VWA7: variants seen among roughly 807,000 people sequenced by gnomAD.
VWA7 encodes von Willebrand factor A domain-containing protein 7.
Under a neutral mutation model 83.1 loss-of-function variants are expected in VWA7, and 66 were observed. The ratio of observed to expected loss-of-function variants is 0.79; its 90% CI spans 0.65 to 0.98. The LOEUF is 0.98. Among genes scored for constraint, VWA7 ranks in the 50% least tolerant of loss-of-function variants. The pLI, the probability that VWA7 is intolerant of heterozygous loss-of-function variation, is 0.00. For synonymous variants in VWA7, 424 were observed against 488.5 expected (o/e 0.87, Z 1.74); for missense variants, 1,080 against 1,160.2 (o/e 0.93, Z 1.00).
At position 31,776,679 on chromosome 6, in the gene VWA7, C is replaced by T; in HGVS notation, c.101G>A (p.Trp34Ter). The part of the protein sequence containing the change: ...PPTSAFFPNI[W>*]SLLAAPGSIT... ...GGAGCCAGGGGCAGCCAGCAGGCTC[C>T]AGATGTTGGGGAAGAAGGCAGATGT... is the stretch of plus-strand genomic sequence containing the variant. Residue 34 changes from tryptophan (W) to a stop codon, truncating the protein, a stop_gained, in exon 2 of 17, where the codon TGG becomes TAG. Coordinates refer to ENST00000375688, the MANE Select transcript of VWA7 (RefSeq NM_025258.3). LOFTEE classifies it high-confidence loss of function. The surrounding 1 kb of genome is among the most constrained non-coding windows in gnomAD (Gnocchi z 6.2). The T allele has an allele frequency of 3.3e-6, 5 of 1,531,392 alleles. No homozygotes were observed. The highest frequency in any genetic ancestry group is 3.5e-6 in the Non-Finnish European group (4 of 1,136,774). 94.9% of individuals were successfully genotyped at this position (1,531,392 alleles called of 1,614,324 possible).
At position 31,765,771 on chromosome 6, in the gene VWA7, C is replaced by T. The variant is rs1324706461; in HGVS notation, c.2500-1G>A. ...AGCCGGTAGGGGTGGTGTGCCGGTC[C>T]TGTGGGGAAAAGGAAGAGAATGACA... On this transcript the variant is annotated splice_acceptor_variant, in intron 16 of 16. Transcript: ENST00000375688. LOFTEE classifies it high-confidence loss of function. 6.3e-7 allele frequency: 1 copy of T among 1,585,224 alleles called. No homozygotes were observed. Among genetic ancestry groups the T allele is most frequent in the Admixed American group, 1.7e-5 (1 of 57,330 alleles).
At position 31,767,412 on chromosome 6, in the gene VWA7, G is replaced by C; in HGVS notation, c.1739C>G (p.Thr580Ser). The stretch of plus-strand genomic sequence containing the variant: ...CTCAGCTGTGACCTGGATCTCCCAG[G>C]TTCCTGTCTGTGGAGGGTCATCCAT... Reference protein sequence around the residue: ...VTMDDPPQTGTWEIQVTAEDT... With the variant: ...VTMDDPPQTGSWEIQVTAEDT... Residue 580 changes from threonine (T) to serine (S), a missense_variant, in exon 12 of 17, where the codon ACC becomes AGC. Transcript: ENST00000375688. 1.2e-6 allele frequency: 2 copies of C among 1,613,064 alleles called. No homozygotes were observed. The highest frequency in any genetic ancestry group is 1.7e-6 in the Non-Finnish European group (2 of 1,179,918).
chr6:31,774,429 A>T, intron 5 of VWA7, 87 bp downstream of exon 5: 1 of 1,274,832 alleles, frequency 7.8e-7, no homozygotes, highest in Admixed American at 2.0e-5. Context: ...GAGATGCCAT[A>T]GCAAAGGCAT....
At position 31,765,957 on chromosome 6, in the gene VWA7, C is replaced by T. The variant is rs138615605; in HGVS notation, c.2425G>A (p.Gly809Arg). The T allele has an allele frequency of 7.4e-6, 12 of 1,612,994 alleles. No homozygotes were observed. The highest frequency in any genetic ancestry group is 2.7e-5 in the African/African-American group (2 of 74,948). The change falls in exon 16 of 17, where the codon GGG (glycine) becomes AGG (arginine). Residue 809 changes from glycine (G) to arginine (R), a missense_variant. By Grantham distance (125) the Gly-to-Arg change is moderately radical. Coordinates refer to ENST00000375688, the MANE Select transcript of VWA7 (RefSeq NM_025258.3). ...DSVVMVTVTA[G>R]GREANPVPPT... is the part of the protein sequence containing the mutation. ...GGTACTGGGTTGGCTTCTCGTCCCC[C>T]TGCAGTCACAGTCACCATCACCACG...
rs939847235 is a variant in VWA7 at position 31,775,771 on chromosome 6, T to C, written c.513+193A>G. Among the ~76,000 whole-genome samples, 2 of 152,198 alleles carry C rather than the reference T, an allele frequency of 1.3e-5. No homozygotes were observed. Among genetic ancestry groups the C allele is most frequent in the African/African-American group, 4.8e-5 (2 of 41,452 alleles). On this transcript the variant is annotated intron_variant, in intron 3 of 16. Coordinates refer to ENST00000375688, the MANE Select transcript of VWA7 (RefSeq NM_025258.3). This position sits in a 1 kb window ranked among gnomAD's most constrained non-coding sequence, Gnocchi z 5.9. ...CTTCTCTCCAGCCACAGCGCCCTCC[T>C]TGCTGTTCCTACAGGAAGCACTGCC...
chr6:31,766,311 C>T lies in VWA7; in HGVS notation c.2258G>A (p.Gly753Asp), dbSNP rs570620342. The part of the protein sequence containing the change: ...PLSLRIASFS[G>D]PQDLDLRTFV... ...AGTCCTAAGGTCAAGATCCTGAGGG[C>T]CCGAGAAGCTGGCGATGCGGAGACT... Residue 753 changes from glycine (G) to aspartate (D), a missense_variant, in exon 15 of 17, where the codon GGC (glycine) becomes GAC (aspartate). By Grantham distance (94) the Gly-to-Asp change is moderately conservative (BLOSUM62 -1). Transcript: ENST00000375688. This position sits in a 1 kb window ranked among gnomAD's most constrained non-coding sequence, Gnocchi z 4.9. 1 of 1,611,994 alleles carries T rather than the reference C, an allele frequency of 6.2e-7. No individual in the cohort carries two copies. The highest frequency in any genetic ancestry group is 8.5e-7 in the Non-Finnish European group (1 of 1,179,762).
At chr6:31,774,862 T>C (rs1418629601) in intron 4 of VWA7, among the ~76,000 whole-genome samples, 1 of 152,118 alleles carries the variant, frequency 6.6e-6, no homozygotes, top group Non-Finnish European at 1.5e-5. Flanking sequence ...GGCTCACGAC[T>C]GTAATCCCAG....
Position 31,767,422 on chromosome 6 carries a change from G to T in VWA7, c.1729C>A (p.Gln577Lys), listed in dbSNP as rs573900220. ...FWMVTMDDPP[Q>K]TGTWEIQVTA... ...ACCTGGATCTCCCAGGTTCCTGTCTGTGGAGGGTCATCCATGGTCACCATC... is the reference window on the plus strand; with the variant it reads ...ACCTGGATCTCCCAGGTTCCTGTCTTTGGAGGGTCATCCATGGTCACCATC... The change falls in exon 12 of 17, where the codon CAG (glutamine) becomes AAG (lysine). Residue 577 changes from glutamine (Q) to lysine (K), a missense_variant. By Grantham distance (53) the Gln-to-Lys change is moderately conservative (BLOSUM62 1). Coordinates refer to ENST00000375688, the MANE Select transcript of VWA7 (RefSeq NM_025258.3). The T allele has an allele frequency of 1.2e-6, 2 of 1,612,980 alleles. No individual in the cohort carries two copies. Among genetic ancestry groups the T allele is most frequent in the African/African-American group, 2.7e-5 (2 of 74,892 alleles).
At position 31,775,982 on chromosome 6, in the gene VWA7, A is replaced by G; in HGVS notation, c.495T>C (p.Ala165=). The change falls in exon 3 of 17, where the codon GCT becomes GCC. Residue 165 remains alanine (A), a synonymous_variant. Coordinates refer to ENST00000375688, the MANE Select transcript of VWA7 (RefSeq NM_025258.3). This position sits in a 1 kb window ranked among gnomAD's most constrained non-coding sequence, Gnocchi z 5.9. Reference sequence around the variant, plus strand: ...TTCTCACCTGCAGGGCATGAAGTGCAGCCCCGAGGCGCTGGCGAGCCAGGG... The same window carrying G: ...TTCTCACCTGCAGGGCATGAAGTGCGGCCCCGAGGCGCTGGCGAGCCAGGG... The part of the protein sequence containing the change: ...DHTLARQRLG[A]ALHALQDFYS... 1 of 1,611,216 alleles carries G rather than the reference A, an allele frequency of 6.2e-7. No homozygotes were observed. The highest frequency in any genetic ancestry group is 8.5e-7 in the Non-Finnish European group (1 of 1,179,200).
rs760288913 is a variant in VWA7 at position 31,766,377 on chromosome 6, C to T, written c.2192G>A (p.Gly731Asp). The change falls in exon 15 of 17, where the codon GGC (glycine) becomes GAC (aspartate). Residue 731 changes from glycine to aspartate, a missense_variant. Gly to Asp is a moderately conservative substitution (Grantham distance 94, BLOSUM62 -1). Coordinates refer to ENST00000375688, the MANE Select transcript of VWA7 (RefSeq NM_025258.3). This position sits in a 1 kb window ranked among gnomAD's most constrained non-coding sequence, Gnocchi z 4.9. ...TVVPVLLELSGPSGFLAPGSK... is the reference protein window; with the variant it reads ...TVVPVLLELSDPSGFLAPGSK... ...GCCCGGGGCCAAGAAACCCGAGGGG[C>T]CACTAAGCTGCAGAGAAGGGTTCTT... The T allele has an allele frequency of 1.3e-6, 2 of 1,598,750 alleles. No homozygotes were observed. The highest frequency in any genetic ancestry group is 1.7e-4 in the Middle Eastern group (1 of 6,034).
chr6:31,765,901 T>C lies in VWA7; in HGVS notation c.2481A>G (p.Val827=), dbSNP rs775824767. The C allele has an allele frequency of 8.1e-6, 13 of 1,612,998 alleles. 1 individual carries two copies. In the South Asian group the frequency reaches 1.4e-4, roughly 18 times the overall value. The part of the protein sequence containing the change: ...PPTHAFLRLL[V]SAPAPQDRHT... The stretch of plus-strand genomic sequence containing the variant: ...TCCTCACCTGCGGGGCTGGGGCCGA[T>C]ACCAGGAGCCGGAGGAAAGCATGAG... The change falls in exon 16 of 17, where the codon GTA becomes GTG. Residue 827 remains valine (V), a synonymous_variant. Transcript: ENST00000375688.
Position 31,776,170 on chromosome 6 carries a change from C to A in VWA7, c.307G>T (p.Ala103Ser). 1 of 1,614,062 alleles carries A rather than the reference C, an allele frequency of 6.2e-7. No homozygotes were observed. The change falls in exon 3 of 17, where the codon GCC (alanine) becomes TCC (serine). Residue 103 changes from alanine (A) to serine (S), a missense_variant. Ala to Ser is a moderately conservative substitution (Grantham distance 99). Coordinates refer to ENST00000375688, the MANE Select transcript of VWA7 (RefSeq NM_025258.3). The surrounding 1 kb of genome is among the most constrained non-coding windows in gnomAD (Gnocchi z 6.2). ...TTGGCACGAGACACCTCACCTAAGG[C>A]TGCTCGGAACCGCCGAGAAGAACCA... ...GPGSSRRFRA[A>S]LGEVSRANAA...
chr6:31,772,660 C>T (rs1414206429), intron 7 of VWA7, among the ~76,000 whole-genome samples: 1 of 127,366 alleles, frequency 7.9e-6, no homozygotes, highest in Admixed American at 9.9e-5. Flanking sequence ...TGCAAAGGCA[C>T]GATCTCGGGG....
chr6:31,771,981 A>C (rs1812219209), intron 7 of VWA7, among the ~76,000 whole-genome samples: 1 of 121,660 alleles, frequency 8.2e-6, no homozygotes, highest in South Asian at 2.7e-4. Flanking sequence ...ACAGAGCGAG[A>C]CTCCGTCTCA....
rs770955289 is a variant in VWA7 at position 31,765,967 on chromosome 6, A to G, written c.2415T>C (p.Thr805=). 6.2e-7 allele frequency: 1 copy of G among 1,612,970 alleles called. No homozygotes were observed. The highest frequency in any genetic ancestry group is 8.5e-7 in the Non-Finnish European group (1 of 1,180,034). The part of the protein sequence containing the change: ...SAAPDSVVMV[T]VTAGGREANP... ...TGGCTTCTCGTCCCCCTGCAGTCAC[A>G]GTCACCATCACCACGGAATCCGGGG... is the stretch of plus-strand genomic sequence containing the variant. The change falls in exon 16 of 17, where the codon ACT becomes ACC. Residue 805 remains threonine (T), a synonymous_variant. Transcript: ENST00000375688.
In VWA7 at chr6:31,769,047, C is replaced by T. The variant is rs777159314; in HGVS notation, c.1474G>A (p.Ala492Thr). 6.2e-7 allele frequency: 1 copy of T among 1,612,596 alleles called. No individual in the cohort carries two copies. Among genetic ancestry groups the T allele is most frequent in the South Asian group, 1.1e-5 (1 of 91,012 alleles). ...TKDQHIRDVA[A>T]IVGESMAALV... ...GCAGCCATGCTCTCCCCAACAATGG[C>T]TGCCACGTCTCGAATGTGCTGGTCT... Residue 492 changes from alanine to threonine, a missense_variant, in exon 10 of 17, where the codon GCC becomes ACC. Coordinates refer to ENST00000375688, the MANE Select transcript of VWA7 (RefSeq NM_025258.3). The surrounding 1 kb of genome is among the most constrained non-coding windows in gnomAD (Gnocchi z 4.5).
chr6:31,773,102 G>T lies in VWA7; in HGVS notation c.939C>A (p.Ala313=), dbSNP rs146780305. The T allele has an allele frequency of 1.8e-4, 284 of 1,611,798 alleles. No individual in the cohort carries two copies. The African/African-American group carries it at 3.0e-3, about 17-fold the overall frequency. ...DFSRLLDITP[A]SSLSFVLDTT... ...TGTCCAGGACAAAGCTCAGGCTGGA[G>T]GCTGGGGTGATGTCCAGCAGCCTGG... Residue 313 remains alanine, a synonymous_variant, in exon 7 of 17, where the codon GCC becomes GCA. Coordinates refer to ENST00000375688, the MANE Select transcript of VWA7 (RefSeq NM_025258.3). The surrounding 1 kb of genome is among the most constrained non-coding windows in gnomAD (Gnocchi z 5.3).
In VWA7 at chr6:31,775,851, AC is replaced by A; in HGVS notation, c.513+112del. Reference sequence around the variant, plus strand: ...CTCGGGGCACCGCGTGCCAGTGCCCACCCCTTCCAGAGTGGAGGAGACATGA... The same window carrying A: ...CTCGGGGCACCGCGTGCCAGTGCCCACCCTTCCAGAGTGGAGGAGACATGA... On this transcript the variant is annotated intron_variant, in intron 3 of 16. Coordinates refer to ENST00000375688, the MANE Select transcript of VWA7 (RefSeq NM_025258.3). The surrounding 1 kb of genome is among the most constrained non-coding windows in gnomAD (Gnocchi z 5.9). The A allele has an allele frequency of 6.8e-7, 1 of 1,480,290 alleles. No homozygotes were observed. The highest frequency in any genetic ancestry group is 1.4e-5 in the African/African-American group (1 of 71,224). The allele number at this position is 1,480,290 out of a possible 1,614,324, so 91.7% of individuals were successfully genotyped here. A position where few individuals can be genotyped will look rare whatever the true frequency, so the allele number is the denominator to read the frequency against.
Position 31,769,987 on chromosome 6 carries a change from G to A in VWA7, c.1200+14C>T. The A allele has an allele frequency of 1.9e-6, 3 of 1,611,570 alleles. No individual in the cohort carries two copies. Among genetic ancestry groups the A allele is most frequent in the Non-Finnish European group, 2.5e-6 (3 of 1,178,826 alleles). On this transcript the variant is annotated intron_variant, in intron 8 of 16. Transcript: ENST00000375688. The surrounding 1 kb of genome is among the most constrained non-coding windows in gnomAD (Gnocchi z 4.5). ...GGTGGGGCCAGGAAACGGGGAAGAA[G>A]GGAGGGGCCAGACCTGCAGGGCTGA...
Sources: allele counts gnomAD v4.1 joint callset (sites outside exome capture counted in the v4.1 genomes callset), GRCh38; gene constraint gnomAD v4.1.1; non-coding constraint Gnocchi (gnomAD v3.1); transcripts MANE v1.5; gene names NCBI Gene and HGNC (gene_info 2026-07-23, HGNC 2026-07-21).